SERPINI2: variants seen among roughly 807,000 people sequenced by gnomAD.
SERPINI2 encodes the protein serpin I2.
A neutral mutation model predicts 47.3 loss-of-function variants in SERPINI2; 48 were observed. That is an observed-to-expected ratio of 1.02 (90% CI 0.81 to 1.29). SERPINI2 has a LOEUF of 1.29. Among genes scored for constraint, SERPINI2 ranks in the 50% most tolerant of loss-of-function variants. The pLI, the probability that SERPINI2 is intolerant of heterozygous loss-of-function variation, is 0.00. For synonymous variants in SERPINI2, 135 were observed against 149.3 expected, an observed-to-expected ratio of 0.90 and a Z score of 0.70; for missense variants, 448 against 456.9, an observed-to-expected ratio of 0.98 and a Z score of 0.18.
exon 2 of SERPINI2, chr3:167,471,655 T>G (rs1750324493): frequency 6.8e-6 from 11 of 1,613,650 alleles, no homozygotes; most frequent in Non-Finnish European, 9.3e-6. Context: ...TGGCTCCCAG[T>G]TGTACCATCT....
chr3:167,475,705 A>G (rs1025159015), upstream of SERPINI2, among the ~76,000 whole-genome samples: 1 of 141,160 alleles, frequency 7.1e-6, no homozygotes, highest in African/African-American at 2.6e-5. Context: ...CTACAATTCT[A>G]TTTTGCTCCT....
intron 2 of SERPINI2, chr3:167,469,595 A>C (rs528915528): frequency 1.3e-5 from 2 of 152,148 alleles, no homozygotes; most frequent in African/African-American, 2.4e-5. Flanking sequence ...TGGAAAAAAG[A>C]AGCACATTGA....
chr3:167,470,533 G>A (rs772015144), intron 2 of SERPINI2, among the ~76,000 whole-genome samples: 2 of 143,416 alleles, frequency 1.4e-5, no homozygotes. Flanking sequence ...TGAGATAGCT[G>A]AGGAGATGAG....
rs1247658617 is a variant in SERPINI2, at chr3:167,465,376, CA to C, written c.695del (p.Leu232ArgfsTer6). On this transcript the variant is annotated frameshift_variant, in exon 5 of 9. Transcript: ENST00000264677. LOFTEE classifies it high-confidence loss of function. Reference sequence around the variant, plus strand: ...AAGACAATTCTAAAACTTGGTAGTTCAGGGAAGATTCAGAAAAATAACCTGG... The same window carrying C: ...AAGACAATTCTAAAACTTGGTAGTTCGGGAAGATTCAGAAAAATAACCTGG... The C allele has an allele frequency of 6.2e-7, 1 of 1,603,008 alleles. No individual in the cohort carries two copies. The highest frequency in any genetic ancestry group is 1.4e-5 in the African/African-American group (1 of 73,988).
At chr3:167,476,299 AAAG>A (rs1479539381), upstream of SERPINI2, among the ~76,000 whole-genome samples, 2 of 151,896 alleles carry the variant, frequency 1.3e-5, no homozygotes, top group African/African-American at 4.8e-5. Flanking sequence ...GTGAGTTACA[AAAG>A]AAGAGTAAGA....
At chr3:167,470,736 A>AT (rs1015674758) in intron 2 of SERPINI2, among the ~76,000 whole-genome samples, 1 of 151,218 alleles carries the variant, frequency 6.6e-6, no homozygotes, top group African/African-American at 2.4e-5. Flanking sequence ...AAATTTTTGT[A>AT]TTTTTCCAGC....
At chr3:167,463,580 T>C (rs575678082) in intron 5 of SERPINI2, among the ~76,000 whole-genome samples, 2 of 152,082 alleles carry the variant, frequency 1.3e-5, no homozygotes, top group South Asian at 4.1e-4. Flanking sequence ...AAGAAAGCTT[T>C]TCCAGAAAAA....
intron 5 of SERPINI2, among the ~76,000 whole-genome samples, chr3:167,457,333 T>C (rs897587368): frequency 7.9e-5 from 12 of 152,184 alleles, no homozygotes; most frequent in African/African-American, 2.9e-4. Context: ...TCTCTAGAAG[T>C]CCATGGTGCC....
chr3:167,465,428 T>A, intron 4 of SERPINI2, 30 bp from the exon 5 acceptor site: 2 of 1,603,692 alleles, frequency 1.2e-6, no homozygotes, highest in South Asian at 2.2e-5. Flanking sequence ...ATATCAAATA[T>A]ACTTGGCAAT....
At chr3:167,445,279 G>A (rs1749440336) in intron 8 of SERPINI2, among the ~76,000 whole-genome samples, 1 of 152,050 alleles carries the variant, frequency 6.6e-6, no homozygotes, top group South Asian at 2.1e-4. Flanking sequence ...AATTAACTAT[G>A]TCTCTTCTCC....
intron 1 of SERPINI2, among the ~76,000 whole-genome samples, chr3:167,472,596 G>A (rs915347582): frequency 6.6e-5 from 10 of 151,516 alleles, no homozygotes; most frequent in African/African-American, 2.4e-4. Context: ...ACATTAATCT[G>A]TAATAAAACT....
At chr3:167,454,690 T>C (rs1380606245) in intron 5 of SERPINI2, among the ~76,000 whole-genome samples, 1 of 152,210 alleles carries the variant, frequency 6.6e-6, no homozygotes, top group Non-Finnish European at 1.5e-5. Context: ...GTAACAGTCC[T>C]GCTCATAATA....
chr3:167,449,598 G>A (rs143568518), intron 6 of SERPINI2, among the ~76,000 whole-genome samples, 196 bp from the exon 7 acceptor site: 11 of 152,092 alleles, frequency 7.2e-5, no homozygotes, highest in Admixed American at 1.3e-4. Context: ...AGATTCAAAC[G>A]ATTCTACCAT....
At chr3:167,462,982 T>C (rs1027533787) in intron 5 of SERPINI2, among the ~76,000 whole-genome samples, 1 of 152,204 alleles carries the variant, frequency 6.6e-6, no homozygotes, top group African/African-American at 2.4e-5. Flanking sequence ...TCAATTGAGG[T>C]TGGGGCTTAT....
intron 8 of SERPINI2, among the ~76,000 whole-genome samples, chr3:167,445,717 T>C (rs1749460109): frequency 6.6e-6 from 1 of 152,182 alleles, no homozygotes; most frequent in South Asian, 2.1e-4. Flanking sequence ...ACTTGACAAT[T>C]TTCCCACTGT....
At chr3:167,471,544 T>G in intron 2 of SERPINI2, 44 bp downstream of exon 2, 1 of 1,572,238 alleles carries the variant, frequency 6.4e-7, no homozygotes, top group South Asian at 1.2e-5. Flanking sequence ...AATGAATGCG[T>G]CCATATCTTA....
chr3:167,469,759 A>G (rs1378614316), intron 2 of SERPINI2, among the ~76,000 whole-genome samples: 1 of 152,154 alleles, frequency 6.6e-6, no homozygotes, highest in African/African-American at 2.4e-5. Flanking sequence ...CTTACATAAT[A>G]TATGAGAATT....
intron 5 of SERPINI2, among the ~76,000 whole-genome samples, chr3:167,463,873 G>A (rs1266203743): frequency 6.6e-6 from 1 of 151,970 alleles, no homozygotes; most frequent in Non-Finnish European, 1.5e-5. Flanking sequence ...GTGGGTAGGA[G>A]TAAAGAAGGT....
intron 5 of SERPINI2, among the ~76,000 whole-genome samples, chr3:167,453,245 G>A (rs1383738943): frequency 1.3e-5 from 2 of 151,920 alleles, no homozygotes; most frequent in Non-Finnish European, 2.9e-5. Context: ...AATGGTTGGA[G>A]GAAAGAGGGA....
Sources: allele counts gnomAD v4.1 joint callset (sites outside exome capture counted in the v4.1 genomes callset), GRCh38; gene constraint gnomAD v4.1.1; transcripts MANE v1.5; gene names NCBI Gene and HGNC (gene_info 2026-07-23, HGNC 2026-07-21).